Variants in PHACTR1 observed in about 807,000 individuals in gnomAD.
PHACTR1 encodes the protein phosphatase and actin regulator 1, also known as RPEL repeat containing 1.
PHACTR1 carries 16 observed loss-of-function variants against 69.2 expected under a neutral mutation model. The observed-to-expected ratio is 0.23, with a 90% CI of 0.16 to 0.35. PHACTR1 has a LOEUF of 0.35. Among genes scored for constraint, PHACTR1 ranks in the 10% least tolerant of loss-of-function variants. PHACTR1 has a pLI of 1.00. For missense variants in PHACTR1, 510 were observed against 734.7 expected (o/e 0.69, Z 3.54); for synonymous variants, 312 against 284.5 (o/e 1.10, Z -0.97).
chr6:12,836,865 T>C (rs1024347761), intron 4 of PHACTR1, among the ~76,000 whole-genome samples: 2 of 152,142 alleles, frequency 1.3e-5, no homozygotes, highest in Non-Finnish European at 2.9e-5. Context: ...CATCAGCTGG[T>C]TTAAAGGACC....
At chr6:13,049,052 A>G (rs1336682207) in intron 4 of PHACTR1, among the ~76,000 whole-genome samples, 1 of 152,220 alleles carries the variant, frequency 6.6e-6, no homozygotes, top group African/African-American at 2.4e-5. Context: ...CATGAATTTC[A>G]TAATAATACT....
At chr6:13,132,030 A>G (rs1161049203) in intron 5 of PHACTR1, among the ~76,000 whole-genome samples, 1 of 152,182 alleles carries the variant, frequency 6.6e-6, no homozygotes, top group African/African-American at 2.4e-5. Context: ...TTTAAATTTG[A>G]AGAAATTCAA....
At chr6:13,009,999 C>T (rs1179375896) in intron 4 of PHACTR1, among the ~76,000 whole-genome samples, 1 of 152,172 alleles carries the variant, frequency 6.6e-6, no homozygotes, top group Admixed American at 6.5e-5. Flanking sequence ...CATGACCCTC[C>T]CCACCCCACA....
Position 13,227,870 on chromosome 6 carries a change from G to C in PHACTR1, c.1041G>C (p.Ser347=). ...CTTACCACAGCTCTGGGTTGCACTC[G>C]GGTGATGGGGTCACCAAAGCAGGAC... ...STSYHSSGLH[S]GDGVTKAGPM... The change falls in exon 9 of 15, where the codon TCG becomes TCC. Residue 347 remains serine (S), a synonymous_variant. Coordinates refer to ENST00000332995, the MANE Select transcript of PHACTR1 (RefSeq NM_030948.6). 6.2e-7 allele frequency: 1 copy of C among 1,613,972 alleles called. No individual in the cohort carries two copies. Among genetic ancestry groups the C allele is most frequent in the Non-Finnish European group, 8.5e-7 (1 of 1,179,884 alleles).
At chr6:12,938,760 C>T (rs1371297569) in intron 4 of PHACTR1, among the ~76,000 whole-genome samples, 3 of 152,104 alleles carry the variant, frequency 2.0e-5, no homozygotes, top group Non-Finnish European at 2.9e-5. Flanking sequence ...CTGTTGCTAT[C>T]GACTAGCCTA....
At chr6:12,881,741 G>T (rs752344142) in intron 4 of PHACTR1, among the ~76,000 whole-genome samples, 7 of 152,128 alleles carry the variant, frequency 4.6e-5, no homozygotes, top group Non-Finnish European at 1.0e-4. Flanking sequence ...GACTCGCGAT[G>T]TCCTAAGTAA....
chr6:12,973,145 G>T (rs1382430313), intron 4 of PHACTR1, among the ~76,000 whole-genome samples: 2 of 152,094 alleles, frequency 1.3e-5, no homozygotes, highest in Admixed American at 1.3e-4. Flanking sequence ...TATTCACAGG[G>T]TCAGGATTAG....
intron 4 of PHACTR1, among the ~76,000 whole-genome samples, chr6:12,808,630 TA>T (rs1305561251): frequency 3.3e-5 from 5 of 152,172 alleles, no homozygotes; most frequent in African/African-American, 1.2e-4. Flanking sequence ...AAAATCAGGT[TA>T]TAAAACTACA....
chr6:12,807,959 C>G (rs1395389230), intron 4 of PHACTR1, among the ~76,000 whole-genome samples: 3 of 152,138 alleles, frequency 2.0e-5, no homozygotes, highest in Non-Finnish European at 4.4e-5. Context: ...ATACTCACAC[C>G]TCAGCTTTGG....
intron 5 of PHACTR1, among the ~76,000 whole-genome samples, chr6:13,103,029 G>A (rs1815438869): frequency 6.6e-6 from 1 of 152,168 alleles, no homozygotes; most frequent in African/African-American, 2.4e-5. Flanking sequence ...AAGAGGCTCA[G>A]TTTGCCTCGG....
At chr6:12,788,949 A>T (rs1371031453) in intron 4 of PHACTR1, among the ~76,000 whole-genome samples, 3 of 152,246 alleles carry the variant, frequency 2.0e-5, no homozygotes, top group Non-Finnish European at 4.4e-5. Flanking sequence ...GCTGAAGTAG[A>T]GAGAGTATTC....
chr6:13,042,494 G>A (rs1344176007), intron 4 of PHACTR1, among the ~76,000 whole-genome samples: 1 of 152,142 alleles, frequency 6.6e-6, no homozygotes, highest in Non-Finnish European at 1.5e-5. Flanking sequence ...AAAGTTACCT[G>A]GGCTGCTTAT....
chr6:12,977,665 C>T (rs772988234), intron 4 of PHACTR1, among the ~76,000 whole-genome samples: 11 of 152,142 alleles, frequency 7.2e-5, no homozygotes, highest in Non-Finnish European at 7.3e-5. Flanking sequence ...ATGAACATGC[C>T]ACTAATGGGG....
intron 4 of PHACTR1, among the ~76,000 whole-genome samples, chr6:12,986,231 G>C (rs538437921): frequency 1.4e-3 from 207 of 152,284 alleles, no homozygotes; most frequent in Non-Finnish European, 2.1e-3. Context: ...GCATCAGTGG[G>C]GGCTTCAGTG....
Position 13,017,435 on chromosome 6 carries a change from G to GT in PHACTR1, c.251-35924dup, listed in dbSNP as rs149108413. On this transcript the variant is annotated intron_variant, in intron 4 of 14. Transcript: ENST00000332995. Reference sequence around the variant, plus strand: ...GCAGAATTTTCTGCTGCATTTAATTGTTTTTTCCCTCCTTACCTACTTGAT... The same window carrying GT: ...GCAGAATTTTCTGCTGCATTTAATTGTTTTTTTCCCTCCTTACCTACTTGAT... 3.8e-3 allele frequency among the ~76,000 whole-genome samples: 572 copies of GT among 152,156 alleles called. 5 individuals carry two copies. Among genetic ancestry groups the GT allele is most frequent in the African/African-American group, 0.013 (547 of 41,478 alleles).
chr6:12,901,522 T>C (rs1785190483), intron 4 of PHACTR1, among the ~76,000 whole-genome samples: 1 of 152,040 alleles, frequency 6.6e-6, no homozygotes, highest in Non-Finnish European at 1.5e-5. Context: ...TGAGATGGAG[T>C]CCTGCTCTGT....
At chr6:12,747,507 GA>G (rs925117036) in intron 3 of PHACTR1, among the ~76,000 whole-genome samples, 9 of 150,666 alleles carry the variant, frequency 6.0e-5, no homozygotes, top group Non-Finnish European at 1.3e-4. Flanking sequence ...CTACAAAAAA[GA>G]AAAAAAAATT....
intron 4 of PHACTR1, among the ~76,000 whole-genome samples, chr6:12,767,391 A>G (rs1014636885): frequency 6.6e-6 from 1 of 152,210 alleles, no homozygotes; most frequent in Non-Finnish European, 1.5e-5. Flanking sequence ...AAGCCTCTAT[A>G]AATCATATTT....
intron 4 of PHACTR1, among the ~76,000 whole-genome samples, chr6:12,913,618 C>A (rs1412906267): frequency 1.3e-5 from 2 of 152,174 alleles, no homozygotes; most frequent in East Asian, 3.8e-4. Context: ...TCTGGAGTAG[C>A]ATAATGCATC....
Sources: allele counts gnomAD v4.1 joint callset (sites outside exome capture counted in the v4.1 genomes callset), GRCh38; gene constraint gnomAD v4.1.1; transcripts MANE v1.5; gene names NCBI Gene and HGNC (gene_info 2026-07-23, HGNC 2026-07-21).